PPP2R2C: variants seen among roughly 807,000 people sequenced by gnomAD.
PPP2R2C encodes protein phosphatase 2 regulatory subunit Bgamma, also known as protein phosphatase 2, regulatory subunit B, gamma.
Under a neutral mutation model 45.3 loss-of-function variants are expected in PPP2R2C, and 10 were observed. The observed-to-expected ratio is 0.22, with a 90% confidence interval of 0.14 to 0.37. PPP2R2C has a LOEUF of 0.37. Among genes scored for constraint, PPP2R2C ranks in the 10% least tolerant of loss-of-function variants. The pLI, the probability that PPP2R2C is intolerant of heterozygous loss-of-function variation, is 1.00. For synonymous variants in PPP2R2C, 257 were observed against 245.4 expected (o/e 1.05, Z -0.44); for missense variants, 308 against 619.7 (o/e 0.50, Z 5.34).
Position 6,501,036 on chromosome 4 carries a change from G to A in PPP2R2C, c.49+34235C>T, listed in dbSNP as rs145501207. 1.7e-3 allele frequency among the ~76,000 whole-genome samples: 253 copies of A among 152,322 alleles called. 1 individual carries two copies. The highest frequency in any genetic ancestry group is 5.7e-3 in the African/African-American group (236 of 41,574). On this transcript the variant is annotated intron_variant, in intron 2 of 9. Coordinates refer to the PPP2R2C transcript ENST00000506140. ...CAGGCAAGCTGCCCAAACAGATCCCGCAACTCTGGGGGAAGAGAGAATCAT... is the reference window on the plus strand; with the variant it reads ...CAGGCAAGCTGCCCAAACAGATCCCACAACTCTGGGGGAAGAGAGAATCAT...
At chr4:6,521,150 C>T (rs986247972) in intron 2 of PPP2R2C, among the ~76,000 whole-genome samples, 9 of 152,194 alleles carry the variant, frequency 5.9e-5, no homozygotes, top group African/African-American at 1.2e-4. Context: ...GACTCCAAGC[C>T]GGGTGCCCAC....
intron 6 of PPP2R2C, 150 bp from the exon 7 acceptor site, chr4:6,333,881 G>A (rs1732623986): frequency 2.4e-6 from 2 of 834,322 alleles, no homozygotes; most frequent in Non-Finnish European, 1.9e-6. Flanking sequence ...ACTTACCAGG[G>A]AACAAGCCTG....
intron 1 of PPP2R2C, among the ~76,000 whole-genome samples, chr4:6,419,514 T>C (rs1226099775): frequency 6.6e-6 from 1 of 151,944 alleles, no homozygotes; most frequent in Non-Finnish European, 1.5e-5. Flanking sequence ...GTCTAAAATA[T>C]CTACTATCAG....
chr4:6,529,724 G>T (rs1351215668), intron 2 of PPP2R2C, among the ~76,000 whole-genome samples: 2 of 152,228 alleles, frequency 1.3e-5, no homozygotes, highest in South Asian at 4.1e-4. Context: ...GTGAGCCCTA[G>T]GTCTGCTTTG....
At chr4:6,338,526 C>A (rs1733177453) in intron 6 of PPP2R2C, among the ~76,000 whole-genome samples, 1 of 152,158 alleles carries the variant, frequency 6.6e-6, no homozygotes, top group African/African-American at 2.4e-5. Flanking sequence ...GCCCACCTTC[C>A]TTTCCAGCCT....
intron 5 of PPP2R2C, among the ~76,000 whole-genome samples, chr4:6,367,920 C>T (rs1176153143): frequency 6.6e-6 from 1 of 152,244 alleles, no homozygotes; most frequent in Non-Finnish European, 1.5e-5. Context: ...TCAGGGCTGC[C>T]TCAAGCCCAG....
rs748065617 is a variant in PPP2R2C, at chr4:6,323,289, G to T, written c.*13C>A. On this transcript the variant is annotated 3_prime_UTR_variant, in exon 9 of 9. Transcript: ENST00000382599. ...CATGAGGCTGGGTGGCAGGGGCCGG[G>T]AACTGCACATACCTAGTGCATGTCA... 5 of 1,580,430 alleles carry T rather than the reference G, an allele frequency of 3.2e-6. No homozygotes were observed. The highest frequency in any genetic ancestry group is 3.5e-6 in the Non-Finnish European group (4 of 1,155,710).
chr4:6,342,921 T>C (rs913639191), intron 6 of PPP2R2C, among the ~76,000 whole-genome samples: 1 of 152,206 alleles, frequency 6.6e-6, no homozygotes, highest in Non-Finnish European at 1.5e-5. Flanking sequence ...CTCACCTTCC[T>C]GCATCCAGGA....
At chr4:6,515,732 G>C (rs1274599132) in intron 2 of PPP2R2C, among the ~76,000 whole-genome samples, 2 of 152,240 alleles carry the variant, frequency 1.3e-5, no homozygotes, top group Non-Finnish European at 2.9e-5. Flanking sequence ...CTGCATGCCA[G>C]CACTAAGTTA....
chr4:6,428,653 G>T (rs147260787), intron 1 of PPP2R2C, among the ~76,000 whole-genome samples: 37 of 152,338 alleles, frequency 2.4e-4, no homozygotes, highest in Non-Finnish European at 4.7e-4. Context: ...ACTCAAGAGG[G>T]CCTGATGAAT....
At chr4:6,338,387 G>C (rs1174101284) in intron 6 of PPP2R2C, among the ~76,000 whole-genome samples, 1 of 152,198 alleles carries the variant, frequency 6.6e-6, no homozygotes, top group Non-Finnish European at 1.5e-5. Flanking sequence ...TGGCCACAGA[G>C]AGCCTTCCCC....
intron 1 of PPP2R2C, among the ~76,000 whole-genome samples, chr4:6,412,604 G>C (rs1346373763): frequency 6.6e-6 from 1 of 152,234 alleles, no homozygotes; most frequent in Admixed American, 6.5e-5. Context: ...TAGTGCCTGT[G>C]TGCTGTGGAT....
At chr4:6,337,815 CTCGGGCATT>C (rs55807735) in intron 6 of PPP2R2C, among the ~76,000 whole-genome samples, 69,046 of 151,600 alleles carry the variant, frequency 0.46, 18,269 homozygotes, top group Middle Eastern at 0.61. Flanking sequence ...GCTGGCTGTA[CTCGGGCATT>C]TCTGAGGGTT....
chr4:6,419,533 CAGA>C (rs1279561458), intron 1 of PPP2R2C, among the ~76,000 whole-genome samples: 6 of 152,190 alleles, frequency 3.9e-5, no homozygotes, highest in Admixed American at 3.9e-4. Flanking sequence ...AGGCCCTTCA[CAGA>C]AAATCGAACT....
intron 6 of PPP2R2C, among the ~76,000 whole-genome samples, chr4:6,334,257 C>T (rs2109177652): frequency 6.6e-6 from 1 of 152,258 alleles, no homozygotes; most frequent in Non-Finnish European, 1.5e-5. Context: ...GGTTTTGTTT[C>T]ATTGCCATGG....
chr4:6,448,245 A>G (rs1720540361), intron 1 of PPP2R2C, among the ~76,000 whole-genome samples: 2 of 152,038 alleles, frequency 1.3e-5, no homozygotes, highest in Admixed American at 1.3e-4. Context: ...GAACTGTTTG[A>G]TCCCTGCTTT....
At chr4:6,522,862 G>C (rs1724070642) in intron 2 of PPP2R2C, among the ~76,000 whole-genome samples, 1 of 152,206 alleles carries the variant, frequency 6.6e-6, no homozygotes, top group Non-Finnish European at 1.5e-5. Context: ...ACACCAATAG[G>C]GACCATCCCC....
chr4:6,453,811 A>G (rs1303312139), intron 1 of PPP2R2C, among the ~76,000 whole-genome samples: 2 of 152,098 alleles, frequency 1.3e-5, no homozygotes, highest in Non-Finnish European at 2.9e-5. Context: ...GAAGGCAAGC[A>G]CAGCCCCACC....
At chr4:6,356,464 G>A (rs982690762) in intron 5 of PPP2R2C, among the ~76,000 whole-genome samples, 4 of 152,156 alleles carry the variant, frequency 2.6e-5, no homozygotes, top group Non-Finnish European at 4.4e-5. Context: ...TACGCCCTCC[G>A]TGGCTCCAGA....
Sources: gnomAD v4.1 joint callset for allele counts (sites outside exome capture counted in the v4.1 genomes callset) on GRCh38, gnomAD v4.1.1 for gene constraint, MANE v1.5 for transcripts, NCBI Gene and HGNC (gene_info 2026-07-23, HGNC 2026-07-21) for gene names.